The following UNC5D variants were observed in gnomAD, a reference collection of about 807,000 sequenced individuals.
UNC5D encodes netrin receptor UNC5D.
In UNC5D, 39 loss-of-function variants were observed where a neutral mutation model predicts 105.4. The ratio of observed to expected loss-of-function variants is 0.37; its 90% CI spans 0.29 to 0.48. UNC5D has a LOEUF of 0.48. UNC5D is among the 20% of genes least tolerant of loss of function. The probability of loss-of-function intolerance (pLI) is 0.98; values close to 1 mark genes in which losing one functional copy is unlikely to be tolerated. For missense variants in UNC5D, 991 were observed against 1,202.4 expected (o/e 0.82, Z 2.60); for synonymous variants, 452 against 450.4 (o/e 1.00, Z -0.04).
chr8:35,716,449 T>C (rs1303924162), intron 8 of UNC5D, among the ~76,000 whole-genome samples: 1 of 152,134 alleles, frequency 6.6e-6, no homozygotes, highest in African/African-American at 2.4e-5. Context: ...ACCAAAAGCA[T>C]TGATTCTGGA....
At chr8:35,602,667 G>T (rs1819973272) in intron 4 of UNC5D, among the ~76,000 whole-genome samples, 2 of 152,042 alleles carry the variant, frequency 1.3e-5, no homozygotes, top group South Asian at 4.1e-4. Context: ...ATTTTTTATT[G>T]CGTCTATTTG....
chr8:35,299,631 C>A lies in UNC5D; in HGVS notation c.103+63744C>A, dbSNP rs191241813. Among the ~76,000 whole-genome samples, 4 of 152,296 alleles carry A rather than the reference C, an allele frequency of 2.6e-5. No homozygotes were observed. The East Asian group carries it at 7.7e-4, about 29-fold the overall frequency. On this transcript the variant is annotated intron_variant, in intron 1 of 16. Transcript: ENST00000404895. ...AAAAATAGGTGATACATAACAAGAC[C>A]AACTTTTAACTCAGGATCTTACTTT...
intron 1 of UNC5D, among the ~76,000 whole-genome samples, chr8:35,373,050 T>A (rs751356474): frequency 6.6e-6 from 1 of 152,204 alleles, no homozygotes; most frequent in Non-Finnish European, 1.5e-5. Flanking sequence ...CAGTTCCCCC[T>A]CCGTGGTCTG....
intron 7 of UNC5D, among the ~76,000 whole-genome samples, chr8:35,688,806 T>G (rs1826196499): frequency 6.6e-6 from 1 of 152,234 alleles, no homozygotes; most frequent in Non-Finnish European, 1.5e-5. Context: ...AGGAGAACAC[T>G]TAGAAAACTA....
chr8:35,721,488 G>A, intron 8 of UNC5D: 1 of 702,948 alleles, frequency 1.4e-6, no homozygotes, highest in Non-Finnish European at 2.6e-6. Context: ...GAAACAGCAT[G>A]TGCCGTCCTA....
At chr8:35,366,858 A>G (rs1339472332) in intron 1 of UNC5D, among the ~76,000 whole-genome samples, 1 of 152,204 alleles carries the variant, frequency 6.6e-6, no homozygotes, top group East Asian at 1.9e-4. Flanking sequence ...CAGCCTGATC[A>G]GAAGCCAATC....
chr8:35,379,265 C>A (rs888447554), intron 1 of UNC5D, among the ~76,000 whole-genome samples: 1 of 152,158 alleles, frequency 6.6e-6, no homozygotes, highest in Non-Finnish European at 1.5e-5. Flanking sequence ...CTTCAGTCTT[C>A]TAGGACACTG....
intron 1 of UNC5D, among the ~76,000 whole-genome samples, chr8:35,274,893 C>T (rs904518316): frequency 2.0e-5 from 3 of 151,784 alleles, no homozygotes; most frequent in African/African-American, 7.3e-5. Flanking sequence ...AGTTTGAGAC[C>T]AGCCTGGCCA....
intron 1 of UNC5D, among the ~76,000 whole-genome samples, chr8:35,394,878 A>G (rs1386476671): frequency 6.6e-6 from 1 of 152,222 alleles, no homozygotes; most frequent in Non-Finnish European, 1.5e-5. Flanking sequence ...GACAACCTTT[A>G]GATAAAGGGT....
chr8:35,784,155 C>T (rs2131787107), intron 16 of UNC5D, among the ~76,000 whole-genome samples: 1 of 152,180 alleles, frequency 6.6e-6, no homozygotes, highest in East Asian at 1.9e-4. Flanking sequence ...AGAGAAGTCT[C>T]TGAAAGATAA....
chr8:35,711,242 C>G (rs909149681), intron 8 of UNC5D, among the ~76,000 whole-genome samples: 1 of 141,936 alleles, frequency 7.0e-6, no homozygotes, highest in African/African-American at 2.6e-5. Context: ...TGCAGTGGTG[C>G]GATCTTGGCT....
intron 1 of UNC5D, among the ~76,000 whole-genome samples, chr8:35,488,029 A>G (rs1425397758): frequency 6.6e-6 from 1 of 152,246 alleles, no homozygotes; most frequent in African/African-American, 2.4e-5. Flanking sequence ...CAAGTAAAAT[A>G]TGAAAGGAGA....
intron 4 of UNC5D, among the ~76,000 whole-genome samples, chr8:35,672,340 CAGA>C (rs1824865639): frequency 6.6e-6 from 1 of 152,160 alleles, no homozygotes; most frequent in African/African-American, 2.4e-5. Flanking sequence ...AATGTGAATA[CAGA>C]AGCAGTTTTC....
At chr8:35,478,295 C>T (rs1297739434) in intron 1 of UNC5D, among the ~76,000 whole-genome samples, 1 of 152,094 alleles carries the variant, frequency 6.6e-6, no homozygotes, top group African/African-American at 2.4e-5. Context: ...TTGATGATGA[C>T]ATTGTTCTTT....
chr8:35,493,755 C>T (rs886442836), intron 1 of UNC5D, among the ~76,000 whole-genome samples: 4 of 152,026 alleles, frequency 2.6e-5, no homozygotes, highest in Non-Finnish European at 4.4e-5. Flanking sequence ...TTGTAGAATG[C>T]TTTAAAAATG....
chr8:35,451,180 A>T (rs775010132), intron 1 of UNC5D, among the ~76,000 whole-genome samples: 3 of 151,466 alleles, frequency 2.0e-5, no homozygotes, highest in African/African-American at 4.9e-5. Context: ...AGTAGCTGGG[A>T]TTACAGGCAT....
intron 1 of UNC5D, among the ~76,000 whole-genome samples, chr8:35,347,684 ATAATC>A (rs1811902854): frequency 6.6e-6 from 1 of 152,014 alleles, no homozygotes; most frequent in Admixed American, 6.6e-5. Flanking sequence ...TCTGTGAACC[ATAATC>A]TAATCAGAGG....
chr8:35,327,320 G>A (rs1353470783), intron 1 of UNC5D, among the ~76,000 whole-genome samples: 1 of 152,166 alleles, frequency 6.6e-6, no homozygotes, highest in Non-Finnish European at 1.5e-5. Flanking sequence ...TTATAAAGAT[G>A]CCATTTGCTC....
intron 1 of UNC5D, among the ~76,000 whole-genome samples, chr8:35,245,118 A>G (rs929098293): frequency 2.0e-5 from 3 of 152,116 alleles, no homozygotes; most frequent in Non-Finnish European, 4.4e-5. Flanking sequence ...CGTCTTTATT[A>G]TTACTTTTGA....
Sources: allele counts gnomAD v4.1 joint callset (sites outside exome capture counted in the v4.1 genomes callset), GRCh38; gene constraint gnomAD v4.1.1; transcripts MANE v1.5; gene names NCBI Gene and HGNC (gene_info 2026-07-23, HGNC 2026-07-21).